The following CPNE1 variants were observed in gnomAD, a reference collection of about 807,000 sequenced individuals.
CPNE1 encodes copine-1.
A neutral mutation model predicts 63.2 loss-of-function variants in CPNE1; 58 were observed. The ratio of observed to expected loss-of-function variants is 0.92; its 90% CI spans 0.74 to 1.14. The LOEUF (loss-of-function observed/expected upper bound fraction) is 1.14. Ranked by LOEUF, CPNE1 falls within the 50% of genes most tolerant of loss-of-function variation. The probability of loss-of-function intolerance (pLI) is 0.00; values close to 1 mark genes in which losing one functional copy is unlikely to be tolerated. For missense variants in CPNE1, 672 were observed against 661.7 expected, an observed-to-expected ratio of 1.02 and a Z score of -0.17; for synonymous variants, 237 against 249.0, an observed-to-expected ratio of 0.95 and a Z score of 0.45.
At chr20:35,630,581 G>A (rs2032057081) in intron 12 of CPNE1, 91 bp from the exon 13 acceptor site, 5 of 1,493,874 alleles carry the variant, frequency 3.3e-6, no homozygotes, top group Non-Finnish European at 3.7e-6. Flanking sequence ...TCCTATAGGA[G>A]CTATGGAGTC....
Position 35,632,641 on chromosome 20 carries a change from A to G in CPNE1, c.185T>C (p.Leu62Pro), listed in dbSNP as rs114166030. 1 of 1,462,586 alleles carries G rather than the reference A, an allele frequency of 6.8e-7. No individual in the cohort carries two copies. The allele number at this position is 1,462,586 out of a possible 1,614,324, so 90.6% of individuals were successfully genotyped here. ...NCSSPEFSKT[L>P]QLEYRFETVQ... ...TGTCTCAAAGCGGTACTCAAGCTGT[A>G]GAGTCTTGGAGAACTCAGGGCTTGA... The change falls in exon 3 of 16, where the codon CTA becomes CCA. Residue 62 changes from leucine (L) to proline (P), a missense_variant. By Grantham distance (98) the Leu-to-Pro change is moderately conservative. Transcript: ENST00000397443.
At position 35,631,942 on chromosome 20, in the gene CPNE1, T is replaced by C; in HGVS notation, c.537+3A>G. ...AGCCCACCCAATCCCAGGGGTCTCA[T>C]ACCTCAGATCTGTACACCAGGTGCC... On this transcript the variant is annotated splice_donor_region_variant and intron_variant, in intron 6 of 15. Transcript: ENST00000397443. 6.2e-7 allele frequency: 1 copy of C among 1,611,286 alleles called. No individual in the cohort carries two copies. Among genetic ancestry groups the C allele is most frequent in the East Asian group, 2.2e-5 (1 of 44,856 alleles).
rs909446084 is a variant in CPNE1 at position 35,626,173 on chromosome 20, G to C, written c.*68C>G. 1.1e-5 allele frequency: 17 copies of C among 1,505,224 alleles called. No homozygotes were observed. Among genetic ancestry groups the C allele is most frequent in the Non-Finnish European group, 1.6e-5 (17 of 1,081,572 alleles). 93.2% of individuals were successfully genotyped at this position (1,505,224 alleles called of 1,614,324 possible). On this transcript the variant is annotated 3_prime_UTR_variant, in exon 16 of 16. Coordinates refer to ENST00000397443, the MANE Select transcript of CPNE1 (RefSeq NM_152925.3). ...GCTAGCACTGAGGAGAGTGAGAAGG[G>C]TTGGGTTGTGGCCCAGAGGGACCTC...
In CPNE1 at chr20:35,632,849, C is replaced by T. The variant is rs1339383409; in HGVS notation, c.75G>A (p.Lys25=). The T allele has an allele frequency of 2.3e-6, 2 of 872,828 alleles. No individual in the cohort carries two copies. The highest frequency in any genetic ancestry group is 3.3e-5 in the African/African-American group (2 of 61,310). 54.1% of individuals were successfully genotyped at this position (872,828 alleles called of 1,614,324 possible). The change falls in exon 2 of 16, where the codon AAG becomes AAA. Residue 25 remains lysine, a synonymous_variant. Coordinates refer to ENST00000397443, the MANE Select transcript of CPNE1 (RefSeq NM_152925.3). The stretch of plus-strand genomic sequence containing the variant: ...GTAAAAGGACGCAGAGTGGGTCAGA[C>T]TTGGAGCCGATGTCCTTGTCAATGA... ...DHLIDKDIGS[K]SDPLCVLLQD...
intron 1 of CPNE1, chr20:35,652,409 G>T: frequency 8.1e-7 from 1 of 1,241,848 alleles, no homozygotes; most frequent in Non-Finnish European, 1.1e-6. Context: ...TGGAAACCAA[G>T]CTATATGCAA....
At chr20:35,626,482 G>A in intron 15 of CPNE1, 85 bp downstream of exon 15, 7 of 1,589,936 alleles carry the variant, frequency 4.4e-6, no homozygotes, top group Non-Finnish European at 6.0e-6. Flanking sequence ...TAGAGGAAAA[G>A]GTGAGCATCC....
chr20:35,645,514 C>G (rs62211673), intron 1 of CPNE1, among the ~76,000 whole-genome samples: 16 of 152,174 alleles, frequency 1.1e-4, no homozygotes, highest in Non-Finnish European at 2.1e-4. Context: ...AGAACAGGAA[C>G]CTTATTTTGC....
intron 1 of CPNE1, chr20:35,655,254 G>A (rs1601481167): frequency 3.7e-6 from 6 of 1,613,508 alleles, no homozygotes; most frequent in Non-Finnish European, 5.1e-6. Flanking sequence ...TCAATCCAGA[G>A]AAGAAGTGGC....
intron 1 of CPNE1, among the ~76,000 whole-genome samples, chr20:35,641,347 C>T (rs1042701215): frequency 6.6e-6 from 1 of 152,174 alleles, no homozygotes; most frequent in Non-Finnish European, 1.5e-5. Flanking sequence ...CTTTGAAAAG[C>T]CCCCCTTTTT....
intron 13 of CPNE1, 53 bp from the exon 14 acceptor site, chr20:35,627,466 C>T (rs534828145): frequency 3.2e-6 from 5 of 1,578,994 alleles, no homozygotes; most frequent in East Asian, 4.5e-5. Flanking sequence ...CAGGACTACA[C>T]CAGTCCTGAA....
In CPNE1 at chr20:35,626,380, G is replaced by T. The variant is rs1207526316; in HGVS notation, c.1475C>A (p.Ala492Asp). The T allele has an allele frequency of 6.2e-7, 1 of 1,613,770 alleles. No homozygotes were observed. Among genetic ancestry groups the T allele is most frequent in the East Asian group, 2.2e-5 (1 of 44,862 alleles). ...QFVPYRRFQN[A>D]PREALAQTVL... ...GGTCTGTGCCAATGCCTCCCGAGGG[G>T]CCTGCCAAGAAAAGGGAAAAGTCAG... The change falls in exon 16 of 16, where the codon GCC becomes GAC. Residue 492 changes from alanine to aspartate, a missense_variant and splice_region_variant. Coordinates refer to ENST00000397443, the MANE Select transcript of CPNE1 (RefSeq NM_152925.3).
intron 1 of CPNE1, among the ~76,000 whole-genome samples, chr20:35,648,447 C>T (rs1441274421): frequency 3.3e-5 from 5 of 152,200 alleles, no homozygotes; most frequent in Non-Finnish European, 7.3e-5. Flanking sequence ...TATTATCACA[C>T]AGTCCACCCC....
intron 1 of CPNE1, among the ~76,000 whole-genome samples, chr20:35,663,326 T>G (rs2146388465): frequency 6.6e-6 from 1 of 152,356 alleles, no homozygotes; most frequent in East Asian, 1.9e-4. Flanking sequence ...TGCTCTGAGA[T>G]GCATTAACAA....
At chr20:35,656,592 C>T (rs535962551) in intron 1 of CPNE1, among the ~76,000 whole-genome samples, 63 of 152,274 alleles carry the variant, frequency 4.1e-4, no homozygotes, top group African/African-American at 1.4e-3. Flanking sequence ...TGCAGTGCAA[C>T]GGCACGATCT....
chr20:35,660,200 C>T (rs547380524), intron 1 of CPNE1, among the ~76,000 whole-genome samples: 2 of 152,074 alleles, frequency 1.3e-5, no homozygotes, highest in Admixed American at 1.3e-4. Flanking sequence ...GAAATCTAGC[C>T]TCTTTTTTTT....
chr20:35,653,150 C>T (rs1414884208), intron 1 of CPNE1: 5 of 1,613,458 alleles, frequency 3.1e-6, no homozygotes, highest in Non-Finnish European at 4.2e-6. Flanking sequence ...CCAAAATTAC[C>T]AGGAAAGTTA....
At chr20:35,632,729 C>G in intron 2 of CPNE1, 33 bp from the exon 3 acceptor site, 1 of 882,560 alleles carries the variant, frequency 1.1e-6, no homozygotes, top group Non-Finnish European at 2.0e-6. Context: ...ATCACAGTCA[C>G]AGCCTCCACC....
At chr20:35,653,723 T>C in intron 1 of CPNE1, 1 of 1,614,216 alleles carries the variant, frequency 6.2e-7, no homozygotes, top group Non-Finnish European at 8.5e-7. Context: ...CCCTCTGGAT[T>C]TAGTATCATT....
chr20:35,631,213 T>C, intron 9 of CPNE1, 40 bp from the exon 10 acceptor site: 1 of 1,613,404 alleles, frequency 6.2e-7, no homozygotes. Context: ...GTGATAGCAG[T>C]TGGTGTCATG....
Sources: allele counts gnomAD v4.1 joint callset (sites outside exome capture counted in the v4.1 genomes callset), GRCh38; gene constraint gnomAD v4.1.1; transcripts MANE v1.5; gene names NCBI Gene and HGNC (gene_info 2026-07-23, HGNC 2026-07-21).